The following RAB39B variants were observed in gnomAD, a reference collection of about 807,000 sequenced individuals.
RAB39B encodes the protein RAB39B, member RAS oncogene family, also known as ras-related protein Rab-39B.
For synonymous variants in RAB39B, 63 were observed against 67.5 expected (o/e 0.93, Z 0.33); for missense variants, 68 against 171.3 (o/e 0.40, Z 3.37).
rs2074855909 is a variant in RAB39B, at chrX:155,262,100, C to A, written c.216-871G>T. ...CTCATTATAAATATACATTATGGCA[C>A]TTTGCTTACAGTGTATTAAAGCTTA... On this transcript the variant is annotated intron_variant, in intron 1 of 1. Coordinates refer to ENST00000369454, the MANE Select transcript of RAB39B (RefSeq NM_171998.4). 6.3e-5 allele frequency among the ~76,000 whole-genome samples: 7 copies of A among 111,649 alleles called. No homozygotes were observed. In the Admixed American group the frequency reaches 6.7e-4, roughly 11 times the overall value.
Position 155,260,518 on chromosome X carries a change from A to T in RAB39B, c.*285T>A. Reference sequence around the variant, plus strand: ...CCTGGGACTTAGCTTCCTAAACCCCAGGCCTTTAACATGTGGTCCACAAAG... The same window carrying T: ...CCTGGGACTTAGCTTCCTAAACCCCTGGCCTTTAACATGTGGTCCACAAAG... On this transcript the variant is annotated 3_prime_UTR_variant, in exon 2 of 2. Coordinates refer to ENST00000369454, the MANE Select transcript of RAB39B (RefSeq NM_171998.4). 2.7e-6 allele frequency: 1 copy of T among 368,658 alleles called. No homozygotes were observed. The allele number at this position is 368,658 out of a possible 1,213,427, so 30.4% of individuals were successfully genotyped here. A position where few individuals can be genotyped will look rare whatever the true frequency, so the allele number is the denominator to read the frequency against.
chrX:155,263,426 C>T (rs1557314455), intron 1 of RAB39B, among the ~76,000 whole-genome samples: 1 of 112,378 alleles, frequency 8.9e-6, no homozygotes, highest in Non-Finnish European at 1.9e-5. Flanking sequence ...GACACACTTT[C>T]GTAATTGCTG....
rs782646690 is a variant in RAB39B at position 155,264,316 on chromosome X, C to A, written c.-28G>T. On this transcript the variant is annotated 5_prime_UTR_variant, in exon 1 of 2. Transcript: ENST00000369454. The stretch of plus-strand genomic sequence containing the variant: ...CCGCGGCTCTGCAGGTCTCCTTGGC[C>A]CGGACCGGGGACGGCGGGAGGGGGC... 12 of 1,186,020 alleles carry A rather than the reference C, an allele frequency of 1.0e-5. No homozygotes were observed. The East Asian group carries it at 3.6e-4, about 35-fold the overall frequency.
At position 155,258,861 on chromosome X, in the gene RAB39B, A is replaced by C. The variant is rs2074842934; in HGVS notation, c.*1942T>G. 1 of 112,294 alleles carries C rather than the reference A, an allele frequency of 8.9e-6. No homozygotes were observed. The highest frequency in any genetic ancestry group is 1.9e-5 in the Non-Finnish European group (1 of 53,292). 9.3% of individuals were successfully genotyped at this position (112,294 alleles called of 1,213,427 possible). A position where few individuals can be genotyped will look rare whatever the true frequency, so the allele number is the denominator to read the frequency against. On this transcript the variant is annotated 3_prime_UTR_variant, in exon 2 of 2. Transcript: ENST00000369454. ...ATTTGCCATGTTTTGTTTGTCTTTT[A>C]CAACCACGAAGGTGGCAATTTAATT...
chrX:155,258,397 G>C lies in RAB39B; in HGVS notation c.*2406C>G, dbSNP rs1428167419. 2 of 112,621 alleles carry C rather than the reference G, an allele frequency of 1.8e-5. No homozygotes were observed. 9.3% of individuals were successfully genotyped at this position (112,621 alleles called of 1,213,427 possible). On this transcript the variant is annotated 3_prime_UTR_variant, in exon 2 of 2. Coordinates refer to ENST00000369454, the MANE Select transcript of RAB39B (RefSeq NM_171998.4). ...ATGAGACAATCTAATCCAACATGCAGTTGTGGTCTTTGTTACAAGTTAGTT... is the reference window on the plus strand; with the variant it reads ...ATGAGACAATCTAATCCAACATGCACTTGTGGTCTTTGTTACAAGTTAGTT...
chrX:155,261,837 T>TTTATTA (rs781787000), intron 1 of RAB39B, among the ~76,000 whole-genome samples: 79 of 108,280 alleles, frequency 7.3e-4, no homozygotes, highest in Non-Finnish European at 1.2e-3. Context: ...ATTATTATTG[T>TTTATTA]TTATTATTAT....
At chrX:155,262,510 C>A (rs1329326678) in intron 1 of RAB39B, among the ~76,000 whole-genome samples, 2 of 112,074 alleles carry the variant, frequency 1.8e-5, no homozygotes, top group Admixed American at 9.4e-5. Context: ...AATCAACAAG[C>A]AAGCTGTAGA....
At position 155,264,321 on chromosome X, in the gene RAB39B, C is replaced by A. The variant is rs1557314551; in HGVS notation, c.-33G>T. The A allele has an allele frequency of 8.5e-7, 1 of 1,174,871 alleles. No individual in the cohort carries two copies. The highest frequency in any genetic ancestry group is 1.2e-6 in the Non-Finnish European group (1 of 862,427). The stretch of plus-strand genomic sequence containing the variant: ...GCTCTGCAGGTCTCCTTGGCCCGGA[C>A]CGGGGACGGCGGGAGGGGGCGCCCC... On this transcript the variant is annotated 5_prime_UTR_variant, in exon 1 of 2. Transcript: ENST00000369454.
chrX:155,263,213 G>A (rs1278145844), intron 1 of RAB39B, among the ~76,000 whole-genome samples: 1 of 111,792 alleles, frequency 8.9e-6, no homozygotes, highest in Non-Finnish European at 1.9e-5. Flanking sequence ...ATACTCATCC[G>A]GTCTCATCTT....
Position 155,259,033 on chromosome X carries a change from G to A in RAB39B, c.*1770C>T, listed in dbSNP as rs1206264644. On this transcript the variant is annotated 3_prime_UTR_variant, in exon 2 of 2. Transcript: ENST00000369454. ...TAGTCTTCCATAATTTTCATGATTTGGTTTCTTTATTCTGGCTAAAGCAAA... is the reference window on the plus strand; with the variant it reads ...TAGTCTTCCATAATTTTCATGATTTAGTTTCTTTATTCTGGCTAAAGCAAA... The A allele has an allele frequency of 8.9e-6, 1 of 111,936 alleles. No homozygotes were observed. Among genetic ancestry groups the A allele is most frequent in the Non-Finnish European group, 1.9e-5 (1 of 53,178 alleles). 9.2% of individuals were successfully genotyped at this position (111,936 alleles called of 1,213,427 possible). A position where few individuals can be genotyped will look rare whatever the true frequency, so the allele number is the denominator to read the frequency against.
chrX:155,260,460 A>G lies in RAB39B; in HGVS notation c.*343T>C, dbSNP rs1313896786. 1.5e-5 allele frequency: 4 copies of G among 269,606 alleles called. No homozygotes were observed. Among genetic ancestry groups the G allele is most frequent in the African/African-American group, 1.1e-4 (4 of 37,414 alleles). 22.2% of individuals were successfully genotyped at this position (269,606 alleles called of 1,213,427 possible). On this transcript the variant is annotated 3_prime_UTR_variant, in exon 2 of 2. Transcript: ENST00000369454. ...TGGCCTATAAGTGAGCTCAAATACC[A>G]AGGAACAGTTGTCCTGTCTGTAGGT...
At chrX:155,261,357 T>TA (rs1361390009) in intron 1 of RAB39B, 128 bp from the exon 2 acceptor site, 5 of 550,854 alleles carry the variant, frequency 9.1e-6, no homozygotes, top group African/African-American at 4.7e-5. Flanking sequence ...TCTTTTTTTT[T>TA]AAAAAAACAA....
chrX:155,261,348 C>CT lies in RAB39B; in HGVS notation c.216-120dup, dbSNP rs200487425. ...ACAGTCCTTTAATAAAAATGATTTT[C>CT]TTTTTTTTTAAAAAAACAAAGGAAT... On this transcript the variant is annotated intron_variant, in intron 1 of 1. Coordinates refer to ENST00000369454, the MANE Select transcript of RAB39B (RefSeq NM_171998.4). 1.2e-3 allele frequency: 693 copies of CT among 568,833 alleles called. 2 individuals carry two copies. Among genetic ancestry groups the CT allele is most frequent in the African/African-American group, 0.012 (516 of 42,567 alleles). 46.9% of individuals were successfully genotyped at this position (568,833 alleles called of 1,213,427 possible).
At chrX:155,263,973 C>G in intron 1 of RAB39B, 101 bp downstream of exon 1, 1 of 796,817 alleles carries the variant, frequency 1.3e-6, no homozygotes, top group Non-Finnish European at 1.9e-6. Flanking sequence ...TTGGTGTTGC[C>G]CTCCTGGACC....
Position 155,264,389 on chromosome X carries a change from C to T in RAB39B, c.-101G>A, listed in dbSNP as rs1359004674. On this transcript the variant is annotated 5_prime_UTR_variant, in exon 1 of 2. Transcript: ENST00000369454. ...CGCGGCTCGGCAGGATCTAGCTCAG[C>T]CGCGAGCGCATCGCTGGCCTGGGAG... 1.2e-6 allele frequency: 1 copy of T among 811,373 alleles called. No homozygotes were observed. Among genetic ancestry groups the T allele is most frequent in the Non-Finnish European group, 1.8e-6 (1 of 550,347 alleles). The allele number at this position is 811,373 out of a possible 1,213,427, so 66.9% of individuals were successfully genotyped here. A position where few individuals can be genotyped will look rare whatever the true frequency, so the allele number is the denominator to read the frequency against.
In RAB39B at chrX:155,259,397, G is replaced by A. The variant is rs1450811508; in HGVS notation, c.*1406C>T. The A allele has an allele frequency of 9.0e-6, 1 of 111,519 alleles. No individual in the cohort carries two copies. Among genetic ancestry groups the A allele is most frequent in the Non-Finnish European group, 1.9e-5 (1 of 53,114 alleles). 9.2% of individuals were successfully genotyped at this position (111,519 alleles called of 1,213,427 possible). A position where few individuals can be genotyped will look rare whatever the true frequency, so the allele number is the denominator to read the frequency against. ...CTCAGTGTACGTATATGGCAGACAG[G>A]TGGCCAAGGTCATTTTGGGGTGGGT... On this transcript the variant is annotated 3_prime_UTR_variant, in exon 2 of 2. Coordinates refer to ENST00000369454, the MANE Select transcript of RAB39B (RefSeq NM_171998.4).
chrX:155,260,467 A>G lies in RAB39B; in HGVS notation c.*336T>C. 1 of 285,401 alleles carries G rather than the reference A, an allele frequency of 3.5e-6. No individual in the cohort carries two copies. The highest frequency in any genetic ancestry group is 6.3e-6 in the Non-Finnish European group (1 of 158,271). The allele number at this position is 285,401 out of a possible 1,213,427, so 23.5% of individuals were successfully genotyped here. ...TAAGTGAGCTCAAATACCAAGGAAC[A>G]GTTGTCCTGTCTGTAGGTATGTTTT... On this transcript the variant is annotated 3_prime_UTR_variant, in exon 2 of 2. Transcript: ENST00000369454.
Position 155,260,127 on chromosome X carries a change from A to G in RAB39B, c.*676T>C, listed in dbSNP as rs782670008. 5.3e-5 allele frequency: 6 copies of G among 112,560 alleles called. No homozygotes were observed. Among genetic ancestry groups the G allele is most frequent in the Non-Finnish European group, 9.4e-5 (5 of 53,334 alleles). The allele number at this position is 112,560 out of a possible 1,213,427, so 9.3% of individuals were successfully genotyped here. On this transcript the variant is annotated 3_prime_UTR_variant, in exon 2 of 2. Transcript: ENST00000369454. ...AGTTATAGGGTAATTTGCATGGGACAATTTGTTTCATACAGCTGGTAATTC... is the reference window on the plus strand; with the variant it reads ...AGTTATAGGGTAATTTGCATGGGACGATTTGTTTCATACAGCTGGTAATTC...
intron 1 of RAB39B, 67 bp downstream of exon 1, chrX:155,264,007 T>C: frequency 9.8e-7 from 1 of 1,024,986 alleles, no homozygotes; most frequent in Non-Finnish European, 1.4e-6. Context: ...GGAAGTCCTC[T>C]CTCCCCAGAG....
Sources: allele counts gnomAD v4.1 joint callset (sites outside exome capture counted in the v4.1 genomes callset), GRCh38; gene constraint gnomAD v4.1.1; transcripts MANE v1.5; gene names NCBI Gene and HGNC (gene_info 2026-07-23, HGNC 2026-07-21).